ZCCHC7: variants seen among roughly 807,000 people sequenced by gnomAD.
ZCCHC7 encodes zinc finger CCHC domain-containing protein 7.
Under a neutral mutation model 52.0 loss-of-function variants are expected in ZCCHC7, and 35 were observed. That is an observed-to-expected ratio of 0.67 (90% CI 0.51 to 0.89). The LOEUF (loss-of-function observed/expected upper bound fraction) is 0.89. Ranked by LOEUF, ZCCHC7 falls within the 40% of genes least tolerant of loss-of-function variation. ZCCHC7 has a pLI of 0.00. For synonymous variants in ZCCHC7, 217 were observed against 221.5 expected, an observed-to-expected ratio of 0.98 and a Z score of 0.18; for missense variants, 574 against 649.1, an observed-to-expected ratio of 0.88 and a Z score of 1.26.
chr9:37,142,833 A>G (rs765068392), intron 2 of ZCCHC7, among the ~76,000 whole-genome samples: 1 of 151,830 alleles, frequency 6.6e-6, no homozygotes, highest in Non-Finnish European at 1.5e-5. Context: ...AGTATTCAGC[A>G]CATCAAATCA....
At chr9:37,260,800 T>G (rs1826828705) in intron 2 of ZCCHC7, among the ~76,000 whole-genome samples, 1 of 152,144 alleles carries the variant, frequency 6.6e-6, no homozygotes, top group African/African-American at 2.4e-5. Flanking sequence ...GAAGCTGAAC[T>G]CCCTGGCAGC....
chr9:37,131,308 C>A (rs1399276609), intron 2 of ZCCHC7, among the ~76,000 whole-genome samples: 1 of 149,940 alleles, frequency 6.7e-6, no homozygotes, highest in Admixed American at 6.7e-5. Context: ...CCACTGCACT[C>A]CAGCCTGGGT....
At chr9:37,287,846 C>A (rs1162573986) in intron 2 of ZCCHC7, among the ~76,000 whole-genome samples, 2 of 151,268 alleles carry the variant, frequency 1.3e-5, no homozygotes, top group Non-Finnish European at 2.9e-5. Flanking sequence ...GTTTTTACAG[C>A]TTTTTTGCTC....
At chr9:37,356,261 T>C (rs967783208) in intron 8 of ZCCHC7, among the ~76,000 whole-genome samples, 1 of 150,334 alleles carries the variant, frequency 6.7e-6, no homozygotes, top group Non-Finnish European at 1.5e-5. Context: ...CGTGTCAAGC[T>C]CTGACAAAAC....
chr9:37,126,511 G>A lies in ZCCHC7; in HGVS notation c.179G>A (p.Gly60Glu), dbSNP rs1274003780. 2 of 1,613,728 alleles carry A rather than the reference G, an allele frequency of 1.2e-6. No individual in the cohort carries two copies. The highest frequency in any genetic ancestry group is 1.7e-5 in the Admixed American group (1 of 60,014). The change falls in exon 2 of 9, where the codon GGG becomes GAG. Residue 60 changes from glycine to glutamate, a missense_variant. By Grantham distance (98) the Gly-to-Glu change is moderately conservative (BLOSUM62 -2). Transcript: ENST00000336755. ...GAAGAGCATGAAGAAAAGAACTCTGGGAATTCGGAATCTTCGAGTAGTAAA... is the reference window on the plus strand; with the variant it reads ...GAAGAGCATGAAGAAAAGAACTCTGAGAATTCGGAATCTTCGAGTAGTAAA... ...REEEHEEKNSGNSESSSSKPN... is the reference protein window; with the variant it reads ...REEEHEEKNSENSESSSSKPN...
chr9:37,238,707 A>G (rs1825757086), intron 2 of ZCCHC7, among the ~76,000 whole-genome samples: 1 of 152,052 alleles, frequency 6.6e-6, no homozygotes, highest in Non-Finnish European at 1.5e-5. Flanking sequence ...TGATCATTTC[A>G]ACTGTTTCTT....
At chr9:37,210,426 A>G (rs1824154959) in intron 2 of ZCCHC7, among the ~76,000 whole-genome samples, 1 of 152,200 alleles carries the variant, frequency 6.6e-6, no homozygotes. Flanking sequence ...TAGCCCTCAT[A>G]CTGTTCATCC....
chr9:37,154,308 T>G (rs1311638745), intron 2 of ZCCHC7, among the ~76,000 whole-genome samples: 2 of 152,194 alleles, frequency 1.3e-5, no homozygotes, highest in Non-Finnish European at 2.9e-5. Flanking sequence ...AATGAAATAA[T>G]GCATGTGATG....
intron 6 of ZCCHC7, among the ~76,000 whole-genome samples, chr9:37,338,228 T>C (rs560894055): frequency 6.6e-6 from 1 of 152,172 alleles, no homozygotes; most frequent in South Asian, 2.1e-4. Context: ...TTAATAAGCT[T>C]AATAGCTCAT....
At chr9:37,290,297 G>A (rs1335568993) in intron 2 of ZCCHC7, among the ~76,000 whole-genome samples, 3 of 152,236 alleles carry the variant, frequency 2.0e-5, no homozygotes, top group East Asian at 1.9e-4. Flanking sequence ...TGAATATACC[G>A]TCAGGTTTAT....
At chr9:37,258,521 C>T (rs1826700796) in intron 2 of ZCCHC7, among the ~76,000 whole-genome samples, 1 of 151,978 alleles carries the variant, frequency 6.6e-6, no homozygotes, top group Admixed American at 6.5e-5. Flanking sequence ...CTTTGGGAGG[C>T]TGAGGCGGGC....
chr9:37,338,539 A>G (rs1479149465), intron 6 of ZCCHC7, among the ~76,000 whole-genome samples: 1 of 152,182 alleles, frequency 6.6e-6, no homozygotes, highest in Admixed American at 6.5e-5. Flanking sequence ...GTGTATCCAA[A>G]AGAGAAGTAG....
intron 2 of ZCCHC7, among the ~76,000 whole-genome samples, chr9:37,229,581 G>C (rs1825297628): frequency 6.6e-6 from 1 of 152,150 alleles, no homozygotes; most frequent in Admixed American, 6.5e-5. Flanking sequence ...AAAAAATATG[G>C]CATAAAAGAT....
chr9:37,330,281 A>G lies in ZCCHC7; in HGVS notation c.987+2447A>G, dbSNP rs112400097. On this transcript the variant is annotated intron_variant, in intron 6 of 8. Coordinates refer to ENST00000336755, the MANE Select transcript of ZCCHC7 (RefSeq NM_032226.3). ...GAAGAAAGTTATAGAAGTGTTCACTATTTTCAACAATTTCAAGAAAAATAA... is the reference window on the plus strand; with the variant it reads ...GAAGAAAGTTATAGAAGTGTTCACTGTTTTCAACAATTTCAAGAAAAATAA... 9.8e-4 allele frequency among the ~76,000 whole-genome samples: 149 copies of G among 151,810 alleles called. 2 individuals are homozygous for G. Among genetic ancestry groups the G allele is most frequent in the African/African-American group, 3.3e-3 (138 of 41,532 alleles).
At chr9:37,154,952 T>C (rs1195254572) in intron 2 of ZCCHC7, among the ~76,000 whole-genome samples, 2 of 152,244 alleles carry the variant, frequency 1.3e-5, no homozygotes, top group Non-Finnish European at 1.5e-5. Context: ...CAGTGCAATA[T>C]GTTTGGATTT....
chr9:37,282,604 C>CAAAAAA (rs60743608), intron 2 of ZCCHC7, among the ~76,000 whole-genome samples: 1 of 52,510 alleles, frequency 1.9e-5, no homozygotes, highest in Non-Finnish European at 3.7e-5. Context: ...GACTCTGTCT[C>CAAAAAA]AAAAAAAAAA....
chr9:37,280,112 G>A (rs1228833789), intron 2 of ZCCHC7, among the ~76,000 whole-genome samples: 2 of 151,876 alleles, frequency 1.3e-5, no homozygotes, highest in Admixed American at 6.6e-5. Flanking sequence ...CTGCACTCTA[G>A]CCTGGGCAAC....
chr9:37,258,921 A>G (rs565926744), intron 2 of ZCCHC7, among the ~76,000 whole-genome samples: 171 of 152,246 alleles, frequency 1.1e-3, no homozygotes, highest in African/African-American at 3.9e-3. Context: ...AGTTAAAGAA[A>G]AGTGGCCAGA....
intron 5 of ZCCHC7, among the ~76,000 whole-genome samples, chr9:37,319,640 G>T (rs1829973804): frequency 6.6e-6 from 1 of 152,026 alleles, no homozygotes; most frequent in African/African-American, 2.4e-5. Flanking sequence ...TGCCCAGGCT[G>T]GTCTTGAACT....
Sources: gnomAD v4.1 joint callset for allele counts (sites outside exome capture counted in the v4.1 genomes callset) on GRCh38, gnomAD v4.1.1 for gene constraint, MANE v1.5 for transcripts, NCBI Gene and HGNC (gene_info 2026-07-23, HGNC 2026-07-21) for gene names.